The following EPB41L4A variants were observed in gnomAD, a reference collection of about 807,000 sequenced individuals.
The protein encoded by EPB41L4A is erythrocyte membrane protein band 4.1 like 4A, also known as band 4.1-like protein 4A.
EPB41L4A carries 100 observed loss-of-function variants against 108.6 expected under a neutral mutation model. That is an observed-to-expected ratio of 0.92 (90% CI 0.78 to 1.09). The LOEUF (loss-of-function observed/expected upper bound fraction) is 1.09, where lower values mean the gene tolerates loss of function less well. Among genes scored for constraint, EPB41L4A ranks in the 50% least tolerant of loss-of-function variants. The pLI, the probability that EPB41L4A is intolerant of heterozygous loss-of-function variation, is 0.00. For missense variants in EPB41L4A, 1,030 were observed against 842.7 expected (o/e 1.22, Z -2.75); for synonymous variants, 319 against 289.0 (o/e 1.10, Z -1.05).
chr5:112,257,317 A>T (rs1751170881), intron 9 of EPB41L4A: 1 of 152,096 alleles, frequency 6.6e-6, no homozygotes, highest in South Asian at 2.1e-4. Context: ...CAAGCCTCTG[A>T]GTTATATGAC....
At chr5:112,257,632 T>C (rs1307506892) in intron 9 of EPB41L4A, among the ~76,000 whole-genome samples, 2 of 152,220 alleles carry the variant, frequency 1.3e-5, no homozygotes, top group African/African-American at 2.4e-5. Context: ...GTAGTAGACA[T>C]ATATTTTAAG....
In EPB41L4A at chr5:112,261,885, A is replaced by ATT. The variant is rs35793398; in HGVS notation, c.642+607_642+608dup. On this transcript the variant is annotated intron_variant, in intron 7 of 22. Transcript: ENST00000261486. Reference sequence around the variant, plus strand: ...GTCTAATACAGTCAATTACACACCAATTTTTTTTTTTTTTTTTTTTTTGAG... The same window carrying ATT: ...GTCTAATACAGTCAATTACACACCAATTTTTTTTTTTTTTTTTTTTTTTTGAG... 9.6e-3 allele frequency among the ~76,000 whole-genome samples: 1,083 copies of ATT among 112,416 alleles called. 22 individuals are homozygous for ATT. The highest frequency in any genetic ancestry group is 0.026 in the African/African-American group (752 of 28,852). The allele number at this position is 112,416 out of a possible 152,430, so 73.7% of individuals were successfully genotyped here.
At chr5:112,408,585 G>A (rs1762220883) in intron 1 of EPB41L4A, among the ~76,000 whole-genome samples, 1 of 148,302 alleles carries the variant, frequency 6.7e-6, no homozygotes, top group African/African-American at 2.5e-5. Context: ...ACGGCCAGGT[G>A]CAGTGGCTCA....
In EPB41L4A at chr5:112,280,225, C is replaced by A; in HGVS notation, c.256+47G>T. On this transcript the variant is annotated intron_variant, in intron 3 of 22. Transcript: ENST00000261486. ...GCACCCAACTAATCATGGACTTTGT[C>A]ATCGTTTTCAAGCCACCCTTTAACA... 4 of 1,539,510 alleles carry A rather than the reference C, an allele frequency of 2.6e-6. No individual in the cohort carries two copies. In the South Asian group the frequency reaches 3.4e-5, roughly 13 times the overall value.
chr5:112,374,513 A>G (rs543068644), intron 1 of EPB41L4A, among the ~76,000 whole-genome samples: 3 of 152,356 alleles, frequency 2.0e-5, no homozygotes, highest in African/African-American at 7.2e-5. Context: ...CCTAGGTTAC[A>G]TAACAATAAG....
downstream of EPB41L4A, chr5:112,160,880 T>C (rs1290112388): frequency 6.4e-6 from 1 of 156,314 alleles, no homozygotes. Flanking sequence ...TTCCTTTTGG[T>C]GCGAGCTTGC....
intron 2 of EPB41L4A, among the ~76,000 whole-genome samples, chr5:112,293,344 T>C (rs534137462): frequency 8.2e-6 from 1 of 121,382 alleles, no homozygotes; most frequent in African/African-American, 4.0e-5. Flanking sequence ...CCATTAGTTA[T>C]TTTTCCTCAT....
downstream of EPB41L4A, among the ~76,000 whole-genome samples, chr5:112,159,452 A>G (rs1371677105): frequency 6.6e-6 from 1 of 152,208 alleles, no homozygotes; most frequent in Non-Finnish European, 1.5e-5. Context: ...GAAAAAAGCC[A>G]ATTAACAAAC....
intron 13 of EPB41L4A, chr5:112,206,895 T>C (rs1056708484): frequency 6.6e-6 from 1 of 152,192 alleles, no homozygotes; most frequent in South Asian, 2.1e-4. Context: ...TGCAATGCTA[T>C]TCCTATCAAA....
chr5:112,226,725 T>G (rs1748481061), intron 12 of EPB41L4A, among the ~76,000 whole-genome samples: 1 of 151,136 alleles, frequency 6.6e-6, no homozygotes, highest in South Asian at 2.1e-4. Flanking sequence ...AAAAATGGCT[T>G]GAACAAATAC....
intron 1 of EPB41L4A, among the ~76,000 whole-genome samples, chr5:112,348,545 A>G (rs1046184186): frequency 6.6e-6 from 1 of 152,082 alleles, no homozygotes; most frequent in African/African-American, 2.4e-5. Flanking sequence ...CCTGAATCAC[A>G]CTGCAGGGGA....
chr5:112,318,866 G>C (rs1165152258), intron 1 of EPB41L4A, among the ~76,000 whole-genome samples: 1 of 152,096 alleles, frequency 6.6e-6, no homozygotes, highest in Non-Finnish European at 1.5e-5. Flanking sequence ...ATGTTACACA[G>C]AAAAACCTCA....
At chr5:112,143,356 T>A (rs56092269) in exon 14 of EPB41L4A, 2 of 152,212 alleles carry the variant, frequency 1.3e-5, no homozygotes, top group African/African-American at 4.8e-5. Context: ...TATAGTAGAT[T>A]CTTAATGGAT....
At chr5:112,275,494 TCC>T in intron 3 of EPB41L4A, 90 bp from the exon 4 acceptor site, 2 of 1,333,042 alleles carry the variant, frequency 1.5e-6, no homozygotes, top group Non-Finnish European at 2.0e-6. Context: ...ACAATTACAC[TCC>T]AAGATTGTCT....
chr5:112,164,830 T>G lies in EPB41L4A; in HGVS notation c.*160A>C, dbSNP rs1760130846. 3.1e-6 allele frequency: 2 copies of G among 646,774 alleles called. No individual in the cohort carries two copies. Among genetic ancestry groups the G allele is most frequent in the Non-Finnish European group, 4.5e-6 (2 of 443,072 alleles). 40.1% of individuals were successfully genotyped at this position (646,774 alleles called of 1,614,324 possible). ...GCCTGGGCGACAGAGTGATAACATC[T>G]CAAAAAAAAAAAAAAAAAGAAGCAA... On this transcript the variant is annotated 3_prime_UTR_variant, in exon 23 of 23. Coordinates refer to ENST00000261486, the MANE Select transcript of EPB41L4A (RefSeq NM_022140.5).
At chr5:112,229,692 G>A (rs1372360940) in intron 12 of EPB41L4A, among the ~76,000 whole-genome samples, 1 of 152,086 alleles carries the variant, frequency 6.6e-6, no homozygotes, top group Non-Finnish European at 1.5e-5. Flanking sequence ...ACTTCACTTA[G>A]AGTAACGGTC....
At chr5:112,414,773 T>A (rs1253827515) in intron 1 of EPB41L4A, among the ~76,000 whole-genome samples, 1 of 152,214 alleles carries the variant, frequency 6.6e-6, no homozygotes, top group Non-Finnish European at 1.5e-5. Flanking sequence ...AAAAGACTTC[T>A]TGTAAAATTG....
At chr5:112,234,511 T>C in intron 12 of EPB41L4A, 123 bp downstream of exon 12, 2 of 908,826 alleles carry the variant, frequency 2.2e-6, no homozygotes, top group Non-Finnish European at 3.0e-6. Context: ...TATTAGAAAA[T>C]TTTAATATTG....
chr5:112,154,395 A>G (rs1759578521), intron 12 of EPB41L4A, among the ~76,000 whole-genome samples: 1 of 152,244 alleles, frequency 6.6e-6, no homozygotes, highest in Non-Finnish European at 1.5e-5. Flanking sequence ...TGTGCACTGT[A>G]ATTCTTGTGT....
Sources: allele counts gnomAD v4.1 joint callset (sites outside exome capture counted in the v4.1 genomes callset), GRCh38; gene constraint gnomAD v4.1.1; transcripts MANE v1.5; gene names NCBI Gene and HGNC (gene_info 2026-07-23, HGNC 2026-07-21).